Variants in JAKMIP1 observed in about 807,000 individuals in gnomAD.
JAKMIP1 encodes the protein janus kinase and microtubule interacting protein 1.
In JAKMIP1, 33 loss-of-function variants were observed where a neutral mutation model predicts 113.0. The ratio of observed to expected loss-of-function variants is 0.29; its 90% CI spans 0.22 to 0.39. JAKMIP1 has a LOEUF of 0.39. Ranked by LOEUF, JAKMIP1 falls within the 10% of genes least tolerant of loss-of-function variation. JAKMIP1 has a pLI of 1.00. For synonymous variants in JAKMIP1, 480 were observed against 459.9 expected, an observed-to-expected ratio of 1.04 and a Z score of -0.56; for missense variants, 813 against 1,080.5, an observed-to-expected ratio of 0.75 and a Z score of 3.47.
At chr4:6,037,841 G>A (rs1035170093) in intron 18 of JAKMIP1, among the ~76,000 whole-genome samples, 3 of 150,646 alleles carry the variant, frequency 2.0e-5, no homozygotes, top group African/African-American at 4.9e-5. Flanking sequence ...CACCGAGGCA[G>A]AGGCTAACCA....
intron 1 of JAKMIP1, among the ~76,000 whole-genome samples, chr4:6,151,197 G>T (rs1721534513): frequency 6.6e-6 from 1 of 152,154 alleles, no homozygotes; most frequent in African/African-American, 2.4e-5. Context: ...TGGCCACCAT[G>T]TCTATGTTCC....
intron 3 of JAKMIP1, among the ~76,000 whole-genome samples, chr4:6,090,169 C>A (rs1332398740): frequency 2.0e-5 from 3 of 151,926 alleles, no homozygotes; most frequent in Non-Finnish European, 4.4e-5. Context: ...TTGCAGTGAG[C>A]CGAGGTCACG....
rs920516532 is a variant in JAKMIP1, at chr4:6,065,815, C to G, written c.1303-807G>C. 7.2e-5 allele frequency among the ~76,000 whole-genome samples: 11 copies of G among 152,120 alleles called. No homozygotes were observed. Among genetic ancestry groups the G allele is most frequent in the African/African-American group, 2.7e-4 (11 of 41,406 alleles). On this transcript the variant is annotated intron_variant, in intron 8 of 20. Coordinates refer to ENST00000409021, the MANE Select transcript of JAKMIP1 (RefSeq NM_001099433.2). The surrounding 1 kb of genome is among the most constrained non-coding windows in gnomAD (Gnocchi z 5.1). ...ATTCATCTGTCTATCAATTCATTCA[C>G]TCAGAAAACACTGGCAAAGCTCCTT...
chr4:6,146,859 C>A (rs1720921978), intron 1 of JAKMIP1, among the ~76,000 whole-genome samples: 1 of 152,142 alleles, frequency 6.6e-6, no homozygotes, highest in African/African-American at 2.4e-5. Context: ...CTTGAGGTGA[C>A]ATGAGGAGAT....
chr4:6,036,679 A>G (rs1249281689), intron 18 of JAKMIP1, among the ~76,000 whole-genome samples: 4 of 152,240 alleles, frequency 2.6e-5, no homozygotes, highest in African/African-American at 9.6e-5. Flanking sequence ...GATCCTTGTG[A>G]AAGCTGAGTT....
At chr4:6,152,811 C>CATATATATAT (rs1205061386) in intron 1 of JAKMIP1, among the ~76,000 whole-genome samples, 2 of 103,430 alleles carry the variant, frequency 1.9e-5, no homozygotes, top group Admixed American at 1.0e-4. Context: ...TATATATATA[C>CATATATATAT]ATATATATAT....
At chr4:6,152,176 G>A (rs1721646258) in intron 1 of JAKMIP1, among the ~76,000 whole-genome samples, 1 of 151,986 alleles carries the variant, frequency 6.6e-6, no homozygotes. Context: ...AGAGCAGGGA[G>A]GGAGGAAGTC....
chr4:6,084,920 T>G lies in JAKMIP1; in HGVS notation c.880A>C (p.Ile294Leu), dbSNP rs1266730146. The G allele has an allele frequency of 3.1e-6, 5 of 1,609,662 alleles. No homozygotes were observed. The Admixed American group carries it at 6.7e-5, about 22-fold the overall frequency. The change falls in exon 5 of 21, where the codon ATT becomes CTT. Residue 294 changes from isoleucine to leucine, a missense_variant. Physicochemically the swap from Ile to Leu is conservative, Grantham distance 5. This residue lies in a region of JAKMIP1 where 540 missense variants were observed against 653.9 expected (regional missense o/e 0.83). Coordinates refer to ENST00000409021, the MANE Select transcript of JAKMIP1 (RefSeq NM_001099433.2). ...CGTATCACTGAATTCAGTTCAGCAA[T>G]TTTTAGTTGAAATCGCCTCACATCT... The part of the protein sequence containing the change: ...ERDVRRFQLK[I>L]AELNSVIRKL...
Position 6,139,137 on chromosome 4 carries a change from C to T in JAKMIP1, c.-147-26140G>A, listed in dbSNP as rs1489601685. ...GTCAGCCCTGCTCTCCTCTGGACTC[C>T]TCTTATGCCTGAGCCCCACTTTCCC... On this transcript the variant is annotated intron_variant, in intron 1 of 20. Coordinates refer to ENST00000409021, the MANE Select transcript of JAKMIP1 (RefSeq NM_001099433.2). This position sits in a 1 kb window ranked among gnomAD's most constrained non-coding sequence, Gnocchi z 5.2. Among the ~76,000 whole-genome samples the T allele has an allele frequency of 6.6e-6, 1 of 152,150 alleles. No individual in the cohort carries two copies. Among genetic ancestry groups the T allele is most frequent in the Non-Finnish European group, 1.5e-5 (1 of 68,024 alleles).
intron 13 of JAKMIP1, chr4:6,053,801 C>G: frequency 7.8e-7 from 1 of 1,284,646 alleles, no homozygotes; most frequent in Non-Finnish European, 9.8e-7. Flanking sequence ...AAGCCATAGG[C>G]AATAAATATA....
chr4:6,112,268 G>A (rs544316790), intron 2 of JAKMIP1, among the ~76,000 whole-genome samples: 18 of 152,314 alleles, frequency 1.2e-4, no homozygotes, highest in African/African-American at 4.3e-4. Context: ...GGTGACCCAT[G>A]GATCAAGGGT....
rs1719579969 is a variant in JAKMIP1, at chr4:6,138,412, T to C, written c.-147-25415A>G. On this transcript the variant is annotated intron_variant, in intron 1 of 20. Transcript: ENST00000409021. This position sits in a 1 kb window ranked among gnomAD's most constrained non-coding sequence, Gnocchi z 6.0. ...ACACCACACCTGGCTCATTTTTGTA[T>C]TTTTAGTAGAGATGGGGTTTCGCCA... is the stretch of plus-strand genomic sequence containing the variant. 6.6e-6 allele frequency among the ~76,000 whole-genome samples: 1 copy of C among 152,082 alleles called. No individual in the cohort carries two copies. The highest frequency in any genetic ancestry group is 2.4e-5 in the African/African-American group (1 of 41,400).
intron 12 of JAKMIP1, among the ~76,000 whole-genome samples, chr4:6,056,342 A>G (rs1421573820): frequency 6.7e-6 from 1 of 150,050 alleles, no homozygotes; most frequent in East Asian, 2.0e-4. Flanking sequence ...AGGTGTCCCC[A>G]GAGGACAGGG....
chr4:6,087,579 G>C (rs1721480398), intron 3 of JAKMIP1, among the ~76,000 whole-genome samples: 2 of 152,176 alleles, frequency 1.3e-5, no homozygotes, highest in African/African-American at 4.8e-5. Flanking sequence ...CTAGATTCCA[G>C]ACTGAGAGGT....
rs542194094 is a variant in JAKMIP1 at position 6,184,344 on chromosome 4, C to T, written c.-148+15909G>A. On this transcript the variant is annotated intron_variant, in intron 1 of 20. Coordinates refer to ENST00000409021, the MANE Select transcript of JAKMIP1 (RefSeq NM_001099433.2). This position sits in a 1 kb window ranked among gnomAD's most constrained non-coding sequence, Gnocchi z 4.5. ...CCACAGCCAGGAAGGGGGCATGCCT[C>T]GAACACACGCCTCCCTACTCCCAGC... 2.1e-4 allele frequency among the ~76,000 whole-genome samples: 32 copies of T among 152,256 alleles called. No individual in the cohort carries two copies. The highest frequency in any genetic ancestry group is 2.9e-4 in the Non-Finnish European group (20 of 68,024).
chr4:6,071,149 T>C (rs1718898227), intron 8 of JAKMIP1, among the ~76,000 whole-genome samples: 2 of 152,250 alleles, frequency 1.3e-5, no homozygotes. Flanking sequence ...ATGAACTGTG[T>C]GACTGGATTG....
rs1396589977 is a variant in JAKMIP1, at chr4:6,158,053, G to C, written c.-148+42200C>G. Among the ~76,000 whole-genome samples the C allele has an allele frequency of 6.6e-6, 1 of 152,198 alleles. No homozygotes were observed. The highest frequency in any genetic ancestry group is 1.5e-5 in the Non-Finnish European group (1 of 68,046). Reference sequence around the variant, plus strand: ...CTATGTGCTATGAGGTAGGGCTCAAGCTGTCGGCCAGCGCCGTCCCTCTCC... The same window carrying C: ...CTATGTGCTATGAGGTAGGGCTCAACCTGTCGGCCAGCGCCGTCCCTCTCC... On this transcript the variant is annotated intron_variant, in intron 1 of 20. Coordinates refer to ENST00000409021, the MANE Select transcript of JAKMIP1 (RefSeq NM_001099433.2). This position sits in a 1 kb window ranked among gnomAD's most constrained non-coding sequence, Gnocchi z 5.3.
intron 1 of JAKMIP1, among the ~76,000 whole-genome samples, chr4:6,115,843 C>T (rs13141355): frequency 0.093 from 14,144 of 152,234 alleles, 817 homozygotes; most frequent in African/African-American, 0.16. Flanking sequence ...CAGGATGGGG[C>T]GGCTGCAGGT....
chr4:6,112,654 C>T, intron 2 of JAKMIP1, 68 bp downstream of exon 2: 2 of 1,568,784 alleles, frequency 1.3e-6, no homozygotes, highest in Non-Finnish European at 1.7e-6. Context: ...ACACACATGC[C>T]TCAGAGGCAA....
Sources: gnomAD v4.1 joint callset for allele counts (sites outside exome capture counted in the v4.1 genomes callset) on GRCh38, gnomAD v4.1.1 for gene constraint, gnomAD v4.1.1 regional missense constraint, Gnocchi (gnomAD v3.1) non-coding constraint, MANE v1.5 for transcripts, NCBI Gene and HGNC (gene_info 2026-07-23, HGNC 2026-07-21) for gene names.